ARHGAP28: variants seen among roughly 807,000 people sequenced by gnomAD.
ARHGAP28 encodes Rho GTPase activating protein 28, also known as rho GTPase-activating protein 28.
Under a neutral mutation model 90.7 loss-of-function variants are expected in ARHGAP28, and 56 were observed. The observed-to-expected ratio is 0.62, with a 90% CI of 0.50 to 0.77. The LOEUF is 0.77. Ranked by LOEUF, ARHGAP28 falls within the 30% of genes least tolerant of loss-of-function variation. The pLI, the probability that ARHGAP28 is intolerant of heterozygous loss-of-function variation, is 0.00. For missense variants in ARHGAP28, 869 were observed against 900.9 expected, an observed-to-expected ratio of 0.96 and a Z score of 0.45; for synonymous variants, 308 against 323.3, an observed-to-expected ratio of 0.95 and a Z score of 0.51.
intron 1 of ARHGAP28, among the ~76,000 whole-genome samples, chr18:6,822,230 G>A (rs1322680232): frequency 1.3e-5 from 2 of 152,056 alleles, no homozygotes; most frequent in African/African-American, 4.8e-5. Context: ...TATTAAGACT[G>A]TCTTTTTTTA....
chr18:6,803,997 T>A (rs1334904818), intron 1 of ARHGAP28, among the ~76,000 whole-genome samples: 1 of 152,130 alleles, frequency 6.6e-6, no homozygotes, highest in Admixed American at 6.5e-5. Flanking sequence ...GTCAGGATGA[T>A]CTTGATTTCC....
intron 11 of ARHGAP28, among the ~76,000 whole-genome samples, chr18:6,886,167 G>C (rs2057219655): frequency 6.6e-6 from 1 of 152,070 alleles, no homozygotes; most frequent in South Asian, 2.1e-4. Flanking sequence ...CTGCTATACA[G>C]CTCAGTTAAC....
chr18:6,858,415 T>C (rs1362287966), intron 4 of ARHGAP28, among the ~76,000 whole-genome samples: 2 of 152,206 alleles, frequency 1.3e-5, no homozygotes, highest in African/African-American at 2.4e-5. Flanking sequence ...TGGCCTGCTA[T>C]GGAATTCTTC....
chr18:6,749,240 T>C (rs1465391964), intron 1 of ARHGAP28, among the ~76,000 whole-genome samples: 2 of 152,168 alleles, frequency 1.3e-5, no homozygotes, highest in East Asian at 3.8e-4. Flanking sequence ...AAAGGCTAGC[T>C]AAAATTATAG....
At chr18:6,852,808 C>A (rs2056920872) in intron 4 of ARHGAP28, among the ~76,000 whole-genome samples, 1 of 152,166 alleles carries the variant, frequency 6.6e-6, no homozygotes, top group Admixed American at 6.5e-5. Context: ...ACTGAAGCAC[C>A]AAGTTTTGCA....
intron 11 of ARHGAP28, among the ~76,000 whole-genome samples, chr18:6,885,819 A>G (rs1397803394): frequency 2.9e-5 from 3 of 102,832 alleles, no homozygotes; most frequent in Non-Finnish European, 6.1e-5. Flanking sequence ...TTTTTTTTTA[A>G]TTGCGTTGGA....
intron 2 of ARHGAP28, among the ~76,000 whole-genome samples, chr18:6,829,730 T>C (rs1306861652): frequency 2.6e-5 from 4 of 152,190 alleles, no homozygotes; most frequent in Admixed American, 2.0e-4. Context: ...ATTAATTATT[T>C]TGGGGTTCGG....
At chr18:6,841,209 CTCTCTCTCTCT>C (rs2056822558) in intron 3 of ARHGAP28, among the ~76,000 whole-genome samples, 2 of 17,594 alleles carry the variant, frequency 1.1e-4, no homozygotes, top group Non-Finnish European at 2.8e-4. Context: ...CTCTCCTCTC[CTCTCTCTCTCT>C]CTCCCCCCAA....
intron 1 of ARHGAP28, among the ~76,000 whole-genome samples, chr18:6,820,226 C>T (rs1359809963): frequency 6.6e-6 from 1 of 151,950 alleles, no homozygotes; most frequent in East Asian, 1.9e-4. Context: ...GAAACTGAAT[C>T]TCTAAAAAGA....
chr18:6,759,325 A>T (rs2056139355), intron 1 of ARHGAP28, among the ~76,000 whole-genome samples: 1 of 152,210 alleles, frequency 6.6e-6, no homozygotes, highest in African/African-American at 2.4e-5. Flanking sequence ...GAATAAGGAA[A>T]TTCTGCTTTT....
At chr18:6,787,893 A>C (rs1196334773) in intron 1 of ARHGAP28, among the ~76,000 whole-genome samples, 1 of 152,226 alleles carries the variant, frequency 6.6e-6, no homozygotes, top group Non-Finnish European at 1.5e-5. Context: ...TGACAGTAGG[A>C]TTACTCCAAC....
intron 1 of ARHGAP28, among the ~76,000 whole-genome samples, chr18:6,814,962 ATTCC>A (rs996393468): frequency 6.6e-6 from 1 of 152,126 alleles, no homozygotes; most frequent in African/African-American, 2.4e-5. Flanking sequence ...TCTTTCATAG[ATTCC>A]TTCCTGAGTA....
chr18:6,797,724 C>T (rs562130866), intron 1 of ARHGAP28, among the ~76,000 whole-genome samples: 1 of 151,782 alleles, frequency 6.6e-6, no homozygotes, highest in Non-Finnish European at 1.5e-5. Flanking sequence ...TGCAACAACG[C>T]GATCTCGCCT....
chr18:6,761,549 C>T (rs1051870872), intron 1 of ARHGAP28, among the ~76,000 whole-genome samples: 1 of 152,098 alleles, frequency 6.6e-6, no homozygotes, highest in African/African-American at 2.4e-5. Context: ...GGCTCCTAGG[C>T]CCTAGGCTTG....
chr18:6,763,048 T>C (rs1249557103), intron 1 of ARHGAP28, among the ~76,000 whole-genome samples: 2 of 152,090 alleles, frequency 1.3e-5, no homozygotes, highest in Non-Finnish European at 2.9e-5. Flanking sequence ...TATCATCCCA[T>C]TTAATTTTCA....
At chr18:6,752,925 A>AT (rs1455184466) in intron 1 of ARHGAP28, among the ~76,000 whole-genome samples, 1 of 137,752 alleles carries the variant, frequency 7.3e-6, no homozygotes, top group African/African-American at 2.6e-5. Context: ...ATTTGCTTTC[A>AT]TTTTTTACCC....
chr18:6,886,999 G>A (rs1199065517), intron 11 of ARHGAP28, among the ~76,000 whole-genome samples, 158 bp from the exon 12 acceptor site: 1 of 152,166 alleles, frequency 6.6e-6, no homozygotes, highest in African/African-American at 2.4e-5. Flanking sequence ...AGAGGCTCCT[G>A]TCCAAGTGAA....
At chr18:6,743,847 G>A (rs1046920084) in intron 1 of ARHGAP28, among the ~76,000 whole-genome samples, 1 of 152,188 alleles carries the variant, frequency 6.6e-6, no homozygotes, top group African/African-American at 2.4e-5. Flanking sequence ...TGTGATATTG[G>A]ATGCTGGGGC....
At chr18:6,835,816 C>T (rs1047821930) in intron 2 of ARHGAP28, among the ~76,000 whole-genome samples, 2 of 151,978 alleles carry the variant, frequency 1.3e-5, no homozygotes, top group East Asian at 1.9e-4. Flanking sequence ...AATTGAATAC[C>T]GACTTTCTTC....
Sources: allele counts gnomAD v4.1 joint callset (sites outside exome capture counted in the v4.1 genomes callset), GRCh38; gene constraint gnomAD v4.1.1; transcripts MANE v1.5; gene names NCBI Gene and HGNC (gene_info 2026-07-23, HGNC 2026-07-21).